POMT1: variants seen among roughly 807,000 people sequenced by gnomAD.
POMT1 encodes the protein protein O-mannosyl-transferase 1.
In POMT1, 85 loss-of-function variants were observed where a neutral mutation model predicts 101.6. The ratio of observed to expected loss-of-function variants is 0.84; its 90% CI spans 0.70 to 1.00. POMT1 has a LOEUF of 1.00. Ranked by LOEUF, POMT1 falls within the 50% of genes least tolerant of loss-of-function variation. The probability of loss-of-function intolerance (pLI) is 0.00; values close to 1 mark genes in which losing one functional copy is unlikely to be tolerated. For synonymous variants in POMT1, 371 were observed against 383.0 expected, an observed-to-expected ratio of 0.97 and a Z score of 0.37; for missense variants, 857 against 930.4, an observed-to-expected ratio of 0.92 and a Z score of 1.03.
chr9:131,518,022 T>C (rs1949093750), intron 13 of POMT1, among the ~76,000 whole-genome samples: 1 of 152,272 alleles, frequency 6.6e-6, no homozygotes, highest in Non-Finnish European at 1.5e-5. Flanking sequence ...TATTACTCGA[T>C]GCGAGGAAAT....
At chr9:131,506,848 C>T (rs1210277594) in intron 4 of POMT1, 11 of 302,234 alleles carry the variant, frequency 3.6e-5, no homozygotes, top group South Asian at 3.4e-4. Flanking sequence ...ACGGGTGGAT[C>T]ATGAGGTCAG....
intron 2 of POMT1, 92 bp downstream of exon 2, chr9:131,504,432 A>T (rs1410897406): frequency 3.1e-6 from 5 of 1,592,272 alleles, no homozygotes; most frequent in Non-Finnish European, 4.3e-6. Context: ...GGGAGAGTGA[A>T]ATCCTGGCTT....
chr9:131,504,789 G>GTGTT (rs1945404643), intron 2 of POMT1, among the ~76,000 whole-genome samples: 1 of 149,138 alleles, frequency 6.7e-6, no homozygotes, highest in South Asian at 2.1e-4. Flanking sequence ...GTGTGTGTGT[G>GTGTT]TGTTTTTGAG....
chr9:131,508,103 G>T (rs1946254422), intron 5 of POMT1, among the ~76,000 whole-genome samples: 1 of 152,070 alleles, frequency 6.6e-6, no homozygotes, highest in African/African-American at 2.4e-5. Context: ...TGGGTGTGGT[G>T]GCAGGTGCCT....
Position 131,519,108 on chromosome 9 carries a change from A to T in POMT1, c.1486+151A>T. 6 of 1,286,310 alleles carry T rather than the reference A, an allele frequency of 4.7e-6. No homozygotes were observed. The South Asian group carries it at 6.4e-5, about 14-fold the overall frequency. 79.7% of individuals were successfully genotyped at this position (1,286,310 alleles called of 1,614,324 possible). On this transcript the variant is annotated intron_variant, in intron 15 of 19. Transcript: ENST00000402686. The surrounding 1 kb of genome is among the most constrained non-coding windows in gnomAD (Gnocchi z 4.3). The stretch of plus-strand genomic sequence containing the variant: ...GGTCATCTCCCTCCCTGCACCCTGC[A>T]CTCAGCTGCTGCAGTAATAACTCAA...
Position 131,518,977 on chromosome 9 carries a change from T to G in POMT1, c.1486+20T>G. ...GCGCGAGTGAGTCCGCGGCGTGGCT[T>G]CCGCCGCTCCTGGAATGTACTTTCA... On this transcript the variant is annotated intron_variant, in intron 15 of 19. Transcript: ENST00000402686. The G allele has an allele frequency of 1.9e-6, 3 of 1,613,026 alleles. No individual in the cohort carries two copies. The highest frequency in any genetic ancestry group is 1.7e-6 in the Non-Finnish European group (2 of 1,179,964).
chr9:131,515,769 CATGGAGCACTTCCTGTA>C (rs1161453897), intron 13 of POMT1, among the ~76,000 whole-genome samples: 1 of 34,240 alleles, frequency 2.9e-5, no homozygotes, highest in Non-Finnish European at 8.6e-5. Context: ...CTTCCTCTAA[CATGGAGCACTTCCTGTA>C]ACACAGGACA....
chr9:131,512,522 G>A (rs1021860261), intron 11 of POMT1, among the ~76,000 whole-genome samples: 2 of 152,146 alleles, frequency 1.3e-5, no homozygotes, highest in African/African-American at 4.8e-5. Context: ...AAGGTCTCTA[G>A]CTGTCCCGGT....
At chr9:131,508,842 A>G (rs1946440114) in intron 5 of POMT1, 69 bp from the exon 6 acceptor site, 1 of 1,108,066 alleles carries the variant, frequency 9.0e-7, no homozygotes, top group African/African-American at 1.5e-5. Flanking sequence ...TTTTTTCATG[A>G]GTGTTTTTCA....
rs1270629141 is a variant in POMT1 at position 131,519,154 on chromosome 9, G to T, written c.1486+197G>T. 6.6e-6 allele frequency among the ~76,000 whole-genome samples: 1 copy of T among 152,174 alleles called. No individual in the cohort carries two copies. The highest frequency in any genetic ancestry group is 2.4e-5 in the African/African-American group (1 of 41,440). ...CTCAAGACGCTTCTTCCGAGGTGTC[G>T]CTGGAAGGCAACCAGTTTATCCCCG... On this transcript the variant is annotated intron_variant, in intron 15 of 19. Coordinates refer to ENST00000402686, the MANE Select transcript of POMT1 (RefSeq NM_001077365.2). This position sits in a 1 kb window ranked among gnomAD's most constrained non-coding sequence, Gnocchi z 4.3.
chr9:131,519,141 C>T lies in POMT1; in HGVS notation c.1486+184C>T, dbSNP rs1475374673. Among the ~76,000 whole-genome samples, 1 of 152,220 alleles carries T rather than the reference C, an allele frequency of 6.6e-6. No homozygotes were observed. The highest frequency in any genetic ancestry group is 2.1e-4 in the South Asian group (1 of 4,824). On this transcript the variant is annotated intron_variant, in intron 15 of 19. Transcript: ENST00000402686. The surrounding 1 kb of genome is among the most constrained non-coding windows in gnomAD (Gnocchi z 4.3). ...GCTGCAGTAATAACTCAAGACGCTTCTTCCGAGGTGTCGCTGGAAGGCAAC... is the reference window on the plus strand; with the variant it reads ...GCTGCAGTAATAACTCAAGACGCTTTTTCCGAGGTGTCGCTGGAAGGCAAC...
At position 131,519,513 on chromosome 9, in the gene POMT1, C is replaced by G. The variant is rs1258955181; in HGVS notation, c.1584+27C>G. 2 of 1,545,980 alleles carry G rather than the reference C, an allele frequency of 1.3e-6. No homozygotes were observed. The highest frequency in any genetic ancestry group is 2.4e-5 in the East Asian group (1 of 40,908). ...TGAGGAGCGGCCAGGGGAAGCTGGC[C>G]TAGCTCGCTGAGCATTGACTCCTCA... On this transcript the variant is annotated intron_variant, in intron 16 of 19. Transcript: ENST00000402686. This position sits in a 1 kb window ranked among gnomAD's most constrained non-coding sequence, Gnocchi z 4.3.
At chr9:131,520,339 TAA>T in intron 17 of POMT1, 146 bp downstream of exon 17, 1 of 790,490 alleles carries the variant, frequency 1.3e-6, no homozygotes, top group South Asian at 1.5e-5. Context: ...TGGTTTTCTC[TAA>T]ACGCTTTGGC....
In POMT1 at chr9:131,519,979, A is replaced by T; in HGVS notation, c.1585-101A>T. ...GATCCGAATGAACTTGAGCTGGGCC[A>T]GTCCACGTGCAAGGGGCAGCAGTGT... On this transcript the variant is annotated intron_variant, in intron 16 of 19. Transcript: ENST00000402686. This position sits in a 1 kb window ranked among gnomAD's most constrained non-coding sequence, Gnocchi z 4.3. 3 of 856,850 alleles carry T rather than the reference A, an allele frequency of 3.5e-6. No homozygotes were observed. The highest frequency in any genetic ancestry group is 5.8e-6 in the Non-Finnish European group (3 of 519,100). The allele number at this position is 856,850 out of a possible 1,614,324, so 53.1% of individuals were successfully genotyped here. A position where few individuals can be genotyped will look rare whatever the true frequency, so the allele number is the denominator to read the frequency against.
intron 12 of POMT1, among the ~76,000 whole-genome samples, chr9:131,514,259 C>T (rs1947796076): frequency 6.6e-6 from 1 of 152,198 alleles, no homozygotes; most frequent in South Asian, 2.1e-4. Flanking sequence ...CCTCTGTGCT[C>T]AGTGACTCCC....
rs1219705170 is a variant in POMT1, at chr9:131,519,495, C to G, written c.1584+9C>G. The G allele has an allele frequency of 2.6e-6, 4 of 1,549,032 alleles. No individual in the cohort carries two copies. The highest frequency in any genetic ancestry group is 2.0e-5 in the Admixed American group (1 of 51,002). ...GATTCTCGGAGCTGCAGGTGAGGAG[C>G]GGCCAGGGGAAGCTGGCCTAGCTCG... On this transcript the variant is annotated intron_variant, in intron 16 of 19. Transcript: ENST00000402686. This position sits in a 1 kb window ranked among gnomAD's most constrained non-coding sequence, Gnocchi z 4.3.
In POMT1 at chr9:131,522,314, C is replaced by T. The variant is rs946683016; in HGVS notation, c.2003+90C>T. 2 of 1,583,876 alleles carry T rather than the reference C, an allele frequency of 1.3e-6. No individual in the cohort carries two copies. Among genetic ancestry groups the T allele is most frequent in the Admixed American group, 3.5e-5 (2 of 57,690 alleles). On this transcript the variant is annotated intron_variant, in intron 19 of 19. Coordinates refer to ENST00000402686, the MANE Select transcript of POMT1 (RefSeq NM_001077365.2). This position sits in a 1 kb window ranked among gnomAD's most constrained non-coding sequence, Gnocchi z 5.5. Reference sequence around the variant, plus strand: ...AGCAAACACATGGGGTGCAGCGAACCTCACCCATTTCACGTTACACTGACA... The same window carrying T: ...AGCAAACACATGGGGTGCAGCGAACTTCACCCATTTCACGTTACACTGACA...
chr9:131,505,103 T>C (rs1945491837), intron 2 of POMT1, among the ~76,000 whole-genome samples: 2 of 151,156 alleles, frequency 1.3e-5, no homozygotes, highest in Non-Finnish European at 2.9e-5. Context: ...TAACTTTTTA[T>C]TATGGAAAAC....
At chr9:131,505,413 C>T (rs1945576815) in intron 2 of POMT1, among the ~76,000 whole-genome samples, 1 of 151,276 alleles carries the variant, frequency 6.6e-6, no homozygotes, top group African/African-American at 2.4e-5. Flanking sequence ...CAGGCACCTG[C>T]CACCACGCCT....
Sources: gnomAD v4.1 joint callset for allele counts (sites outside exome capture counted in the v4.1 genomes callset) on GRCh38, gnomAD v4.1.1 for gene constraint, Gnocchi (gnomAD v3.1) non-coding constraint, MANE v1.5 for transcripts, NCBI Gene and HGNC (gene_info 2026-07-23, HGNC 2026-07-21) for gene names.